LYPLA1: variants seen among roughly 807,000 people sequenced by gnomAD.
LYPLA1 encodes acyl-protein thioesterase 1.
A neutral mutation model predicts 34.0 loss-of-function variants in LYPLA1; 17 were observed. The observed-to-expected ratio is 0.50, with a 90% CI of 0.34 to 0.75. LYPLA1 has a LOEUF of 0.75. Ranked by LOEUF, LYPLA1 falls within the 30% of genes least tolerant of loss-of-function variation. LYPLA1 has a pLI of 0.01. For missense variants in LYPLA1, 203 were observed against 288.8 expected, an observed-to-expected ratio of 0.70 and a Z score of 2.15; for synonymous variants, 98 against 100.8, an observed-to-expected ratio of 0.97 and a Z score of 0.17.
At chr8:54,084,165 A>ATAT (rs1563642835) in intron 2 of LYPLA1, among the ~76,000 whole-genome samples, 1 of 135,278 alleles carries the variant, frequency 7.4e-6, no homozygotes, top group African/African-American at 3.1e-5. Context: ...TATATATATA[A>ATAT]AATAAAGACC....
At chr8:54,053,282 C>T (rs921414030) in intron 6 of LYPLA1, 11 of 214,464 alleles carry the variant, frequency 5.1e-5, no homozygotes, top group Admixed American at 2.0e-4. Flanking sequence ...TTGGTAGAGA[C>T]GGGGTTTCTC....
At position 54,075,547 on chromosome 8, in the gene LYPLA1, G is replaced by C. The variant is rs1031718010; in HGVS notation, c.102-9734C>G. On this transcript the variant is annotated intron_variant, in intron 2 of 8. Transcript: ENST00000316963. ...GATCAAGAAGCTGTCACAGACGGCA[G>C]AAGAAAACCTGAGGAAAGCGGGACA... is the stretch of plus-strand genomic sequence containing the variant. Among the ~76,000 whole-genome samples the C allele has an allele frequency of 2.0e-5, 3 of 152,204 alleles. No individual in the cohort carries two copies. The South Asian group carries it at 6.2e-4, about 32-fold the overall frequency.
intron 2 of LYPLA1, among the ~76,000 whole-genome samples, chr8:54,097,177 G>A (rs962766828): frequency 1.3e-5 from 2 of 152,142 alleles, no homozygotes; most frequent in South Asian, 2.1e-4. Context: ...AACTGCAGTC[G>A]AGACCTGGAA....
At chr8:54,081,526 C>T in intron 2 of LYPLA1, among the ~76,000 whole-genome samples, 1 of 152,032 alleles carries the variant, frequency 6.6e-6, no homozygotes. Flanking sequence ...CTCTTCACTG[C>T]AACCTTCGCA....
intron 2 of LYPLA1, among the ~76,000 whole-genome samples, chr8:54,089,141 T>C (rs950130298): frequency 3.9e-5 from 6 of 152,214 alleles, no homozygotes; most frequent in African/African-American, 1.4e-4. Flanking sequence ...GTGGTAATAG[T>C]TGAACAACTC....
chr8:54,066,217 G>A (rs34317314), intron 2 of LYPLA1, among the ~76,000 whole-genome samples: 8,284 of 152,112 alleles, frequency 0.054, 302 homozygotes, highest in Non-Finnish European at 0.082. Flanking sequence ...GAATACAGGC[G>A]TGAGCCATCA....
At chr8:54,063,448 A>C (rs1211371318) in intron 3 of LYPLA1, 73 bp from the exon 4 acceptor site, 1 of 938,410 alleles carries the variant, frequency 1.1e-6, no homozygotes, top group East Asian at 2.7e-5. Flanking sequence ...TTAATCAAAA[A>C]CAGATAATTG....
intron 2 of LYPLA1, among the ~76,000 whole-genome samples, chr8:54,093,640 A>T (rs1442286208): frequency 6.6e-6 from 1 of 152,196 alleles, no homozygotes; most frequent in African/African-American, 2.4e-5. Flanking sequence ...TTAGGAAACT[A>T]ATACATGTGG....
chr8:54,068,974 A>T (rs1231629940), intron 2 of LYPLA1, among the ~76,000 whole-genome samples: 1 of 152,226 alleles, frequency 6.6e-6, no homozygotes. Flanking sequence ...ACAAACAAAA[A>T]GACAACCCAA....
intron 2 of LYPLA1, among the ~76,000 whole-genome samples, chr8:54,067,519 G>A (rs990313367): frequency 1.5e-4 from 23 of 152,154 alleles, no homozygotes; most frequent in African/African-American, 5.5e-4. Context: ...TCCCATGCAT[G>A]TCAATTAAGG....
At chr8:54,092,216 AAGGAGG>A (rs376597210) in intron 2 of LYPLA1, among the ~76,000 whole-genome samples, 3 of 147,002 alleles carry the variant, frequency 2.0e-5, no homozygotes, top group Admixed American at 6.8e-5. Context: ...GACGGAAGAG[AAGGAGG>A]AGGAGGAGGA....
At chr8:54,095,370 TACC>T (rs1427821292) in intron 2 of LYPLA1, among the ~76,000 whole-genome samples, 1 of 152,142 alleles carries the variant, frequency 6.6e-6, no homozygotes, top group African/African-American at 2.4e-5. Context: ...ATTCGGCAAC[TACC>T]ACAACAATAG....
intron 2 of LYPLA1, among the ~76,000 whole-genome samples, chr8:54,067,260 C>G (rs868146736): frequency 6.6e-6 from 1 of 152,112 alleles, no homozygotes; most frequent in Non-Finnish European, 1.5e-5. Context: ...CTTTGAGAGG[C>G]TGAGGTAGGA....
intron 2 of LYPLA1, among the ~76,000 whole-genome samples, chr8:54,080,619 T>C (rs1471916529): frequency 6.6e-6 from 1 of 151,388 alleles, no homozygotes; most frequent in African/African-American, 2.5e-5. Context: ...ATGGAGCCTC[T>C]CTCTGTTGCC....
chr8:54,057,662 GA>G (rs1806307409), intron 5 of LYPLA1, among the ~76,000 whole-genome samples: 1 of 152,188 alleles, frequency 6.6e-6, no homozygotes, highest in South Asian at 2.1e-4. Context: ...TCAGAGGCTG[GA>G]AGGGTAGAAG....
At chr8:54,089,583 A>T (rs184767381) in intron 2 of LYPLA1, among the ~76,000 whole-genome samples, 3 of 151,900 alleles carry the variant, frequency 2.0e-5, no homozygotes, top group Admixed American at 2.0e-4. Flanking sequence ...AATAATAAGT[A>T]AGTGGCAGGC....
At chr8:54,093,722 G>A (rs1471455276) in intron 2 of LYPLA1, among the ~76,000 whole-genome samples, 1 of 152,034 alleles carries the variant, frequency 6.6e-6, no homozygotes, top group Non-Finnish European at 1.5e-5. Flanking sequence ...CAAATACTTA[G>A]TGCTATTACA....
chr8:54,085,528 G>A (rs1464778709), intron 2 of LYPLA1, among the ~76,000 whole-genome samples: 1 of 151,768 alleles, frequency 6.6e-6, no homozygotes, highest in Non-Finnish European at 1.5e-5. Context: ...CGTCTAGGAA[G>A]TGAGGAGCGT....
At chr8:54,097,124 A>C (rs1157616017) in intron 2 of LYPLA1, among the ~76,000 whole-genome samples, 1 of 152,196 alleles carries the variant, frequency 6.6e-6, no homozygotes, top group Non-Finnish European at 1.5e-5. Flanking sequence ...CATAGTCACA[A>C]AGTATCCCCC....
Sources: gnomAD v4.1 joint callset for allele counts (sites outside exome capture counted in the v4.1 genomes callset) on GRCh38, gnomAD v4.1.1 for gene constraint, MANE v1.5 for transcripts, NCBI Gene and HGNC (gene_info 2026-07-23, HGNC 2026-07-21) for gene names.